The following PTK2 variants were observed in gnomAD, a reference collection of about 807,000 sequenced individuals.
PTK2 encodes the protein protein tyrosine kinase 2.
Under a neutral mutation model 150.1 loss-of-function variants are expected in PTK2, and 45 were observed. The observed-to-expected ratio is 0.30, with a 90% CI of 0.24 to 0.38. The LOEUF (loss-of-function observed/expected upper bound fraction) is 0.38, where lower values mean the gene tolerates loss of function less well. Ranked by LOEUF, PTK2 falls within the 10% of genes least tolerant of loss-of-function variation. The pLI is 1.00. For synonymous variants in PTK2, 432 were observed against 449.2 expected (o/e 0.96, Z 0.48); for missense variants, 919 against 1,307.3 (o/e 0.70, Z 4.58).
chr8:140,849,360 G>A (rs1229994723), intron 5 of PTK2, among the ~76,000 whole-genome samples: 1 of 152,132 alleles, frequency 6.6e-6, no homozygotes, highest in African/African-American at 2.4e-5. Flanking sequence ...AAGCCACTGG[G>A]CACGGCCACA....
intron 14 of PTK2, among the ~76,000 whole-genome samples, chr8:140,784,312 A>T (rs1329724921): frequency 1.3e-5 from 2 of 152,240 alleles, no homozygotes; most frequent in Non-Finnish European, 2.9e-5. Context: ...TGTGTAGTCC[A>T]AACATGTAAC....
At chr8:140,927,958 G>GAAAAAAAAAAAAA (rs57931737) in intron 1 of PTK2, among the ~76,000 whole-genome samples, 9 of 63,664 alleles carry the variant, frequency 1.4e-4, no homozygotes, top group Admixed American at 2.7e-4. Flanking sequence ...AAAAAAAAAA[G>GAAAAAAAAAAAAA]AAAAAAAAAA....
At chr8:140,917,316 T>C (rs1334991052) in intron 2 of PTK2, among the ~76,000 whole-genome samples, 1 of 142,606 alleles carries the variant, frequency 7.0e-6, no homozygotes, top group Non-Finnish European at 1.5e-5. Flanking sequence ...TGAACCAGCC[T>C]GGGCGACAGA....
intron 1 of PTK2, among the ~76,000 whole-genome samples, chr8:140,972,004 T>C (rs187456558): frequency 6.6e-6 from 1 of 152,364 alleles, no homozygotes. Flanking sequence ...GCAATGAATA[T>C]GCTCCTGAAC....
intron 31 of PTK2, among the ~76,000 whole-genome samples, chr8:140,660,365 G>C (rs1012585701): frequency 2.6e-5 from 4 of 152,240 alleles, no homozygotes; most frequent in African/African-American, 9.6e-5. Flanking sequence ...TCTGACTTCT[G>C]GTCTTATGCT....
At chr8:140,658,265 TA>T (rs370686539) in exon 32 of PTK2, 14 of 159,798 alleles carry the variant, frequency 8.8e-5, no homozygotes, top group East Asian at 2.9e-4. Flanking sequence ...GAAGATTAAA[TA>T]AAAAAAAAGA....
chr8:140,662,635 C>A, intron 31 of PTK2: 1 of 531,968 alleles, frequency 1.9e-6, no homozygotes, highest in South Asian at 2.8e-5. Context: ...GCATATGAAT[C>A]AATGCCACTT....
Position 140,990,184 on chromosome 8 carries a change from C to T in PTK2, c.-122+10941G>A, listed in dbSNP as rs531461352. Among the ~76,000 whole-genome samples the T allele has an allele frequency of 3.9e-5, 6 of 151,994 alleles. No individual in the cohort carries two copies. In the East Asian group the frequency reaches 9.7e-4, roughly 24 times the overall value. On this transcript the variant is annotated intron_variant, in intron 1 of 31. Coordinates refer to ENST00000522684, the Ensembl canonical transcript of PTK2. ...TCTTAAAAGTACATTTAATGGTCATCGCAGAATATAACTGACTATAAGTTA... is the reference window on the plus strand; with the variant it reads ...TCTTAAAAGTACATTTAATGGTCATTGCAGAATATAACTGACTATAAGTTA...
At chr8:140,852,250 C>T (rs1420132558) in intron 5 of PTK2, among the ~76,000 whole-genome samples, 3 of 152,204 alleles carry the variant, frequency 2.0e-5, no homozygotes, top group Non-Finnish European at 4.4e-5. Flanking sequence ...GTAGGTACAA[C>T]AGATTAACGA....
chr8:140,750,609 T>C (rs1007039585), intron 17 of PTK2, among the ~76,000 whole-genome samples: 3 of 151,972 alleles, frequency 2.0e-5, no homozygotes, highest in Non-Finnish European at 2.9e-5. Context: ...AGGCAAACCA[T>C]AGGAAAGGAG....
At chr8:140,684,711 G>A (rs1333724391) in intron 27 of PTK2, among the ~76,000 whole-genome samples, 1 of 152,172 alleles carries the variant, frequency 6.6e-6, no homozygotes, top group African/African-American at 2.4e-5. Context: ...AATCAGAGAT[G>A]ACACGAACAA....
At chr8:140,778,886 T>C (rs986856153) in intron 14 of PTK2, among the ~76,000 whole-genome samples, 2 of 152,062 alleles carry the variant, frequency 1.3e-5, no homozygotes, top group Non-Finnish European at 2.9e-5. Flanking sequence ...ATTGAAATTA[T>C]AGGAGAGTTA....
At chr8:140,751,984 T>C (rs1404129903) in intron 17 of PTK2, 2 of 646,736 alleles carry the variant, frequency 3.1e-6, no homozygotes, top group African/African-American at 3.5e-5. Flanking sequence ...AGATGTGTAA[T>C]GGCCTAAGTA....
intron 22 of PTK2, among the ~76,000 whole-genome samples, chr8:140,733,170 A>T (rs1318015817): frequency 6.6e-6 from 1 of 152,164 alleles, no homozygotes; most frequent in Non-Finnish European, 1.5e-5. Flanking sequence ...CAAGGAGTGA[A>T]GCATGACTCC....
intron 2 of PTK2, among the ~76,000 whole-genome samples, chr8:140,896,961 G>C (rs2154607578): frequency 6.6e-6 from 1 of 152,334 alleles, no homozygotes; most frequent in South Asian, 2.1e-4. Flanking sequence ...CTGCTGGATA[G>C]TAAAACAACA....
At chr8:140,911,853 T>C (rs2100163301) in intron 2 of PTK2, among the ~76,000 whole-genome samples, 1 of 152,104 alleles carries the variant, frequency 6.6e-6, no homozygotes, top group Non-Finnish European at 1.5e-5. Context: ...GATAAAACGA[T>C]TACAAGGAAA....
At chr8:140,687,118 C>CT in intron 26 of PTK2, 1 of 177,414 alleles carries the variant, frequency 5.6e-6, no homozygotes, top group Non-Finnish European at 1.2e-5. Flanking sequence ...AGACTGTTTT[C>CT]CCACACTGCA....
At position 140,926,383 on chromosome 8, in the gene PTK2, C is replaced by T. The variant is rs568074330; in HGVS notation, c.-121-634G>A. Among the ~76,000 whole-genome samples the T allele has an allele frequency of 9.9e-5, 15 of 152,242 alleles. No homozygotes were observed. In the South Asian group the frequency reaches 2.9e-3, roughly 29 times the overall value. On this transcript the variant is annotated intron_variant, in intron 1 of 31. Transcript: ENST00000522684. ...AGTTAAACCACCACCTATAGTATCA[C>T]CTACCTCCAGATGCTACAAAGGTTT...
intron 2 of PTK2, among the ~76,000 whole-genome samples, chr8:140,904,239 T>C (rs2100159946): frequency 6.6e-6 from 1 of 152,210 alleles, no homozygotes; most frequent in Non-Finnish European, 1.5e-5. Context: ...GAAGGCCTTT[T>C]CTGCATCTAT....
Sources: gnomAD v4.1 joint callset for allele counts (sites outside exome capture counted in the v4.1 genomes callset) on GRCh38, gnomAD v4.1.1 for gene constraint, MANE v1.5 for transcripts, NCBI Gene and HGNC (gene_info 2026-07-23, HGNC 2026-07-21) for gene names.